Variants in JAZF1 observed in about 807,000 individuals in gnomAD.
JAZF1 encodes juxtaposed with another zinc finger protein 1.
A neutral mutation model predicts 26.4 loss-of-function variants in JAZF1; 8 were observed. The observed-to-expected ratio is 0.30, with a 90% CI of 0.18 to 0.55. The LOEUF is 0.55. Among genes scored for constraint, JAZF1 ranks in the 20% least tolerant of loss-of-function variants. JAZF1 has a pLI of 0.94. For missense variants in JAZF1, 199 were observed against 322.0 expected, an observed-to-expected ratio of 0.62 and a Z score of 2.92; for synonymous variants, 126 against 122.3, an observed-to-expected ratio of 1.03 and a Z score of -0.20.
At chr7:28,113,199 A>G (rs985265667) in intron 1 of JAZF1, among the ~76,000 whole-genome samples, 2 of 152,176 alleles carry the variant, frequency 1.3e-5, no homozygotes, top group African/African-American at 4.8e-5. Context: ...TGGGGGCCCA[A>G]TTCTGTTGCT....
intron 1 of JAZF1, among the ~76,000 whole-genome samples, chr7:28,031,670 A>G (rs1314095601): frequency 2.0e-5 from 3 of 152,140 alleles, no homozygotes; most frequent in Non-Finnish European, 2.9e-5. Flanking sequence ...GTTCTCACTT[A>G]TAAGTGGGAG....
chr7:27,869,651 G>A (rs1562773045), intron 3 of JAZF1, among the ~76,000 whole-genome samples: 1 of 152,118 alleles, frequency 6.6e-6, no homozygotes, highest in Non-Finnish European at 1.5e-5. Flanking sequence ...TCCAGGACGG[G>A]GCAGGCCAGG....
intron 3 of JAZF1, among the ~76,000 whole-genome samples, chr7:27,884,011 T>C (rs933172932): frequency 6.6e-5 from 10 of 152,258 alleles, no homozygotes; most frequent in African/African-American, 2.2e-4. Context: ...ATGAATTGTT[T>C]ATAAGAGCGG....
At chr7:28,060,173 GT>G (rs1180170053) in intron 1 of JAZF1, among the ~76,000 whole-genome samples, 4 of 152,006 alleles carry the variant, frequency 2.6e-5, no homozygotes, top group African/African-American at 9.7e-5. Context: ...TTAATAAGTT[GT>G]ATCTGCTTTT....
At chr7:27,964,649 T>C (rs1177332943) in intron 2 of JAZF1, among the ~76,000 whole-genome samples, 1 of 151,638 alleles carries the variant, frequency 6.6e-6, no homozygotes, top group Non-Finnish European at 1.5e-5. Flanking sequence ...AGTTTTTTTT[T>C]TTAAAATGGC....
At chr7:27,906,322 G>A (rs1784258034) in intron 2 of JAZF1, among the ~76,000 whole-genome samples, 1 of 152,168 alleles carries the variant, frequency 6.6e-6, no homozygotes, top group Non-Finnish European at 1.5e-5. Context: ...CTCATGAACA[G>A]CAGCAGACTA....
intron 1 of JAZF1, among the ~76,000 whole-genome samples, chr7:28,166,080 A>G (rs1186717353): frequency 6.6e-6 from 1 of 152,134 alleles, no homozygotes. Context: ...ATGAGAAGGG[A>G]GAAGGAAAAT....
intron 1 of JAZF1, among the ~76,000 whole-genome samples, chr7:28,028,561 C>A (rs1053716510): frequency 6.6e-6 from 1 of 152,208 alleles, no homozygotes; most frequent in African/African-American, 2.4e-5. Flanking sequence ...CAAAGCAAAA[C>A]CATCCACCCC....
intron 3 of JAZF1, among the ~76,000 whole-genome samples, chr7:27,847,673 T>A (rs1783055808): frequency 2.6e-5 from 4 of 152,206 alleles, no homozygotes; most frequent in Admixed American, 2.0e-4. Flanking sequence ...CTTTGCTTTA[T>A]AATTTTTATT....
At position 28,031,297 on chromosome 7, in the gene JAZF1, G is replaced by C. The variant is rs554822405; in HGVS notation, c.116-39316C>G. 9.2e-5 allele frequency among the ~76,000 whole-genome samples: 14 copies of C among 152,256 alleles called. No homozygotes were observed. In the South Asian group the frequency reaches 2.7e-3, roughly 29 times the overall value. ...GGCCAGGAAGTATCATCTTTCTGAT[G>C]GCCATTTCTGCCTGTGTGTCTAACA... On this transcript the variant is annotated intron_variant, in intron 1 of 4. Coordinates refer to ENST00000283928, the MANE Select transcript of JAZF1 (RefSeq NM_175061.4).
intron 2 of JAZF1, chr7:27,913,364 A>C: frequency 2.2e-6 from 1 of 458,572 alleles, no homozygotes; most frequent in South Asian, 1.6e-5. Flanking sequence ...AGGAAGAAAA[A>C]AACAACAAAA....
intron 1 of JAZF1, among the ~76,000 whole-genome samples, chr7:27,996,871 G>A (rs138769413): frequency 1.3e-5 from 2 of 152,328 alleles, no homozygotes; most frequent in African/African-American, 4.8e-5. Context: ...ATTGCTGAAT[G>A]AATACACTGA....
chr7:28,129,640 T>C (rs750173610), intron 1 of JAZF1, among the ~76,000 whole-genome samples: 17 of 152,202 alleles, frequency 1.1e-4, no homozygotes, highest in Non-Finnish European at 1.8e-4. Flanking sequence ...ACTAAAGCAG[T>C]TGAGAAAAAG....
intron 1 of JAZF1, among the ~76,000 whole-genome samples, chr7:28,055,352 T>A: frequency 6.6e-6 from 1 of 152,056 alleles, no homozygotes; most frequent in East Asian, 1.9e-4. Context: ...CTCCCTGGCC[T>A]GGCACTCATT....
intron 1 of JAZF1, among the ~76,000 whole-genome samples, chr7:28,037,594 C>T (rs1185424127): frequency 6.6e-6 from 1 of 152,032 alleles, no homozygotes; most frequent in Admixed American, 6.6e-5. Flanking sequence ...TCTTTTTCCT[C>T]GTGTGAAAGA....
intron 3 of JAZF1, among the ~76,000 whole-genome samples, chr7:27,853,994 T>C (rs1783198727): frequency 6.6e-6 from 1 of 152,196 alleles, no homozygotes; most frequent in Non-Finnish European, 1.5e-5. Flanking sequence ...ACTATTGTTG[T>C]GTGGGAGTCT....
chr7:27,911,428 C>A (rs970539190), intron 2 of JAZF1, among the ~76,000 whole-genome samples: 6 of 152,152 alleles, frequency 3.9e-5, no homozygotes, highest in African/African-American at 1.4e-4. Flanking sequence ...GGACCCACAG[C>A]TAATATCATG....
intron 2 of JAZF1, among the ~76,000 whole-genome samples, chr7:27,928,029 T>C (rs550649276): frequency 6.6e-5 from 10 of 152,352 alleles, no homozygotes. Context: ...GAATAGTTCA[T>C]TTGTATTTAT....
intron 1 of JAZF1, among the ~76,000 whole-genome samples, chr7:28,058,805 A>G (rs73091057): frequency 0.031 from 4,775 of 152,244 alleles, 116 homozygotes; most frequent in Non-Finnish European, 0.046. Flanking sequence ...CTGATTTTAT[A>G]GTGCAATTTT....
Sources: allele counts gnomAD v4.1 joint callset (sites outside exome capture counted in the v4.1 genomes callset), GRCh38; gene constraint gnomAD v4.1.1; transcripts MANE v1.5; gene names NCBI Gene and HGNC (gene_info 2026-07-23, HGNC 2026-07-21).